The following ELP4 variants were observed in gnomAD, a reference collection of about 807,000 sequenced individuals.
The protein encoded by ELP4 is elongator acetyltransferase complex subunit 4, also known as elongator complex protein 4.
A neutral mutation model predicts 48.9 loss-of-function variants in ELP4; 51 were observed. The ratio of observed to expected loss-of-function variants is 1.04; its 90% CI spans 0.83 to 1.32. ELP4 has a LOEUF of 1.32. Among genes scored for constraint, ELP4 ranks in the 40% most tolerant of loss-of-function variants. The pLI is 0.00. For synonymous variants in ELP4, 210 were observed against 189.2 expected, an observed-to-expected ratio of 1.11 and a Z score of -0.90; for missense variants, 519 against 514.6, an observed-to-expected ratio of 1.01 and a Z score of -0.08.
At position 31,627,200 on chromosome 11, in the gene ELP4, A is replaced by C. The variant is rs750253968; in HGVS notation, c.738+6A>C. On this transcript the variant is annotated splice_donor_region_variant and intron_variant, in intron 6 of 9. Coordinates refer to ENST00000640961, the MANE Select transcript of ELP4 (RefSeq NM_019040.5). ...TTGATGGATCCAATCCTCAGGTATT[A>C]AATAGCTTCAAAGTCTTTTATAATT... The C allele has an allele frequency of 4.2e-5, 57 of 1,348,782 alleles. No homozygotes were observed. The highest frequency in any genetic ancestry group is 5.2e-5 in the Non-Finnish European group (52 of 1,001,420). The allele number at this position is 1,348,782 out of a possible 1,614,324, so 83.6% of individuals were successfully genotyped here.
intron 3 of ELP4, among the ~76,000 whole-genome samples, chr11:31,562,040 G>C (rs1378611040): frequency 6.6e-6 from 1 of 152,098 alleles, no homozygotes; most frequent in Non-Finnish European, 1.5e-5. Flanking sequence ...GTCAAGACTT[G>C]GAAGTGCTAT....
intron 7 of ELP4, chr11:31,637,477 C>A (rs1176350323): frequency 2.0e-5 from 3 of 151,926 alleles, no homozygotes; most frequent in African/African-American, 4.8e-5. Flanking sequence ...ATTATTGCAA[C>A]TTTTAAAAAC....
chr11:31,622,110 A>C (rs1331177885), intron 5 of ELP4, among the ~76,000 whole-genome samples: 1 of 151,890 alleles, frequency 6.6e-6, no homozygotes, highest in African/African-American at 2.4e-5. Flanking sequence ...ACACTTTATC[A>C]GTTGATATAA....
chr11:31,706,287 G>T (rs538838744), intron 9 of ELP4, among the ~76,000 whole-genome samples: 1 of 151,506 alleles, frequency 6.6e-6, no homozygotes, highest in South Asian at 2.1e-4. Context: ...TCTACTATTA[G>T]AAATGATATA....
In ELP4 at chr11:31,588,599, T is replaced by C. The variant is rs186877764; in HGVS notation, c.382-6171T>C. ...GAAATTGTTTTTTTTAAATTATTAT[T>C]TTTTAAAAATTCCAGGATATATCGG... On this transcript the variant is annotated intron_variant, in intron 3 of 9. Coordinates refer to ENST00000640961, the MANE Select transcript of ELP4 (RefSeq NM_019040.5). Among the ~76,000 whole-genome samples, 90 of 152,352 alleles carry C rather than the reference T, an allele frequency of 5.9e-4. 1 individual carries two copies. The East Asian group carries it at 0.014, about 24-fold the overall frequency.
chr11:31,672,328 G>A (rs775343211), intron 9 of ELP4, among the ~76,000 whole-genome samples: 3 of 152,092 alleles, frequency 2.0e-5, no homozygotes, highest in Non-Finnish European at 4.4e-5. Flanking sequence ...GAAGTTGTAC[G>A]ATTATTACTT....
chr11:31,710,957 T>G (rs1946730436), intron 9 of ELP4, among the ~76,000 whole-genome samples: 1 of 152,098 alleles, frequency 6.6e-6, no homozygotes, highest in Non-Finnish European at 1.5e-5. Flanking sequence ...GGAGTCTAAT[T>G]AGGAAACAAT....
chr11:31,571,335 T>C (rs1957191095), intron 3 of ELP4, among the ~76,000 whole-genome samples: 1 of 152,172 alleles, frequency 6.6e-6, no homozygotes, highest in South Asian at 2.1e-4. Context: ...ACCAACTCCG[T>C]ATCAATTAAA....
intron 5 of ELP4, among the ~76,000 whole-genome samples, chr11:31,625,552 A>G (rs1193598639): frequency 1.3e-5 from 2 of 151,876 alleles, no homozygotes; most frequent in Non-Finnish European, 2.9e-5. Flanking sequence ...AGCCCAACAC[A>G]GAAAGATGAA....
At chr11:31,771,090 G>C (rs1484984045) in intron 9 of ELP4, among the ~76,000 whole-genome samples, 1 of 152,126 alleles carries the variant, frequency 6.6e-6, no homozygotes, top group Non-Finnish European at 1.5e-5. Flanking sequence ...CCCCACAACA[G>C]TAGAAACTGC....
At chr11:31,567,055 C>T (rs912896306) in intron 3 of ELP4, among the ~76,000 whole-genome samples, 16 of 151,804 alleles carry the variant, frequency 1.1e-4, no homozygotes, top group African/African-American at 2.9e-4. Flanking sequence ...TTCAGCCTCC[C>T]GAGTAACTGG....
At chr11:31,540,665 A>T (rs1208610685) in intron 3 of ELP4, among the ~76,000 whole-genome samples, 1 of 152,202 alleles carries the variant, frequency 6.6e-6, no homozygotes, top group East Asian at 1.9e-4. Flanking sequence ...TATCTAAGGA[A>T]ATTAAAATGT....
chr11:31,653,761 G>C (rs917045390), intron 9 of ELP4: 1 of 151,740 alleles, frequency 6.6e-6, no homozygotes, highest in African/African-American at 2.4e-5. Context: ...TACACACTGT[G>C]TTCTTAGTTA....
At chr11:31,614,948 G>T (rs1241778490) in intron 5 of ELP4, among the ~76,000 whole-genome samples, 1 of 152,074 alleles carries the variant, frequency 6.6e-6, no homozygotes, top group African/African-American at 2.4e-5. Flanking sequence ...TGCTGTATAG[G>T]ATGATATTGG....
chr11:31,788,562 T>C lies in ELP4; in HGVS notation c.*5038T>C, dbSNP rs1386914471. ...TACTTCAGTGAAATCATTGTTGAAA[T>C]AGGCTGACAATGGAAATCTGCCCAG... is the stretch of plus-strand genomic sequence containing the variant. On this transcript the variant is annotated 3_prime_UTR_variant, in exon 10 of 10. Transcript: ENST00000640961. 1 of 222,280 alleles carries C rather than the reference T, an allele frequency of 4.5e-6. No homozygotes were observed. The highest frequency in any genetic ancestry group is 6.6e-5 in the East Asian group (1 of 15,104). 13.8% of individuals were successfully genotyped at this position (222,280 alleles called of 1,614,324 possible). A position where few individuals can be genotyped will look rare whatever the true frequency, so the allele number is the denominator to read the frequency against.
chr11:31,768,656 A>G (rs1320313485), intron 9 of ELP4, among the ~76,000 whole-genome samples: 2 of 152,214 alleles, frequency 1.3e-5, no homozygotes, highest in African/African-American at 4.8e-5. Context: ...TCAAATACCT[A>G]TAGTAAATAA....
At chr11:31,697,757 G>A (rs1397756174) in intron 9 of ELP4, among the ~76,000 whole-genome samples, 1 of 151,772 alleles carries the variant, frequency 6.6e-6, no homozygotes, top group Non-Finnish European at 1.5e-5. Context: ...TGCAATCAGG[G>A]TCTCATCAAA....
At chr11:31,618,203 TAGTA>T (rs1461176161) in intron 5 of ELP4, among the ~76,000 whole-genome samples, 3 of 152,204 alleles carry the variant, frequency 2.0e-5, no homozygotes, top group Middle Eastern at 3.4e-3. Context: ...TTAAACATTA[TAGTA>T]AGTGAGAGAA....
chr11:31,736,246 A>G (rs925329481), intron 9 of ELP4, among the ~76,000 whole-genome samples: 6 of 152,202 alleles, frequency 3.9e-5, no homozygotes, highest in Admixed American at 1.3e-4. Flanking sequence ...TATTTAATAA[A>G]TGGTGCTGGG....
Sources: allele counts gnomAD v4.1 joint callset (sites outside exome capture counted in the v4.1 genomes callset), GRCh38; gene constraint gnomAD v4.1.1; transcripts MANE v1.5; gene names NCBI Gene and HGNC (gene_info 2026-07-23, HGNC 2026-07-21).